The following PEX5L variants were observed in gnomAD, a reference collection of about 807,000 sequenced individuals.
The protein encoded by PEX5L is peroxisomal biogenesis factor 5 like.
In PEX5L, 30 loss-of-function variants were observed where a neutral mutation model predicts 84.0. The observed-to-expected ratio is 0.36, with a 90% CI of 0.27 to 0.48. The LOEUF (loss-of-function observed/expected upper bound fraction) is 0.48. Ranked by LOEUF, PEX5L falls within the 20% of genes least tolerant of loss-of-function variation. The pLI is 0.99. For synonymous variants in PEX5L, 270 were observed against 283.1 expected (o/e 0.95, Z 0.46); for missense variants, 533 against 754.6 (o/e 0.71, Z 3.44).
chr3:179,863,208 A>T (rs1308952535), intron 7 of PEX5L, among the ~76,000 whole-genome samples: 1 of 152,212 alleles, frequency 6.6e-6, no homozygotes, highest in Non-Finnish European at 1.5e-5. Context: ...TGAAGACTTA[A>T]ATGTAATACC....
At chr3:179,942,189 C>T (rs1326783399) in intron 2 of PEX5L, among the ~76,000 whole-genome samples, 1 of 152,184 alleles carries the variant, frequency 6.6e-6, no homozygotes, top group East Asian at 1.9e-4. Context: ...AGAAACTGGC[C>T]TCCGGACTGA....
At chr3:179,996,240 G>A (rs1422864995) in intron 1 of PEX5L, among the ~76,000 whole-genome samples, 1 of 152,138 alleles carries the variant, frequency 6.6e-6, no homozygotes, top group Non-Finnish European at 1.5e-5. Context: ...AGCTGCTTGA[G>A]TTTTCTAATT....
intron 2 of PEX5L, among the ~76,000 whole-genome samples, chr3:179,970,240 T>C (rs908732560): frequency 1.3e-5 from 2 of 152,180 alleles, no homozygotes; most frequent in Admixed American, 1.3e-4. Context: ...ATTCTCATAA[T>C]ATACCCAGGT....
intron 2 of PEX5L, among the ~76,000 whole-genome samples, chr3:179,915,867 C>T (rs16830886): frequency 0.029 from 4,394 of 152,214 alleles, 238 homozygotes; most frequent in African/African-American, 0.1. Context: ...AAGAGATGGG[C>T]ATCAGAGCAT....
intron 2 of PEX5L, among the ~76,000 whole-genome samples, chr3:179,955,468 C>G (rs1415735577): frequency 8.0e-6 from 1 of 124,252 alleles, no homozygotes; most frequent in Admixed American, 8.9e-5. Context: ...ACTATGAGTT[C>G]TGCTATGCTC....
At chr3:179,847,079 G>GTGTA (rs71182522) in intron 8 of PEX5L, among the ~76,000 whole-genome samples, 1 of 106,484 alleles carries the variant, frequency 9.4e-6, no homozygotes, top group Non-Finnish European at 2.0e-5. Context: ...GTGTGTGTGT[G>GTGTA]TGTATATATA....
At position 179,811,612 on chromosome 3, in the gene PEX5L, T is replaced by G. The variant is rs1723895963; in HGVS notation, c.1154+189A>C. On this transcript the variant is annotated intron_variant, in intron 11 of 14. Coordinates refer to ENST00000467460, the MANE Select transcript of PEX5L (RefSeq NM_016559.3). The stretch of plus-strand genomic sequence containing the variant: ...CATTGATTTGTAGATAGTAAGACAT[T>G]GTTAGGAACATGACTTCATTCTAAG... Among the ~76,000 whole-genome samples, 3 of 152,226 alleles carry G rather than the reference T, an allele frequency of 2.0e-5. No homozygotes were observed. The South Asian group carries it at 6.2e-4, about 32-fold the overall frequency.
At chr3:179,831,806 C>G (rs185290481) in intron 8 of PEX5L, among the ~76,000 whole-genome samples, 1 of 152,050 alleles carries the variant, frequency 6.6e-6, no homozygotes, top group African/African-American at 2.4e-5. Flanking sequence ...TATGTAAAAG[C>G]TAGGAGAAGG....
intron 1 of PEX5L, among the ~76,000 whole-genome samples, chr3:179,981,647 T>A (rs969274726): frequency 6.6e-6 from 1 of 152,112 alleles, no homozygotes; most frequent in Non-Finnish European, 1.5e-5. Context: ...CTTAGTAATA[T>A]GAAAAATTAT....
rs375846936 is a variant in PEX5L at position 179,953,251 on chromosome 3, T to C, written c.93+18343A>G. On this transcript the variant is annotated intron_variant, in intron 2 of 14. Coordinates refer to ENST00000467460, the MANE Select transcript of PEX5L (RefSeq NM_016559.3). ...GGCAACAAAAGCCACAATTGACAAA[T>C]GGGATCTAATTAAACTAAAGAGCTT... Among the ~76,000 whole-genome samples, 52 of 152,230 alleles carry C rather than the reference T, an allele frequency of 3.4e-4. No individual in the cohort carries two copies. In the South Asian group the frequency reaches 0.01, roughly 30 times the overall value.
chr3:179,854,900 A>C (rs1743322001), intron 8 of PEX5L, among the ~76,000 whole-genome samples: 1 of 152,204 alleles, frequency 6.6e-6, no homozygotes, highest in South Asian at 2.1e-4. Context: ...CCCAGTGATA[A>C]ATACTAGGAT....
At chr3:179,829,718 G>T (rs1230137788) in intron 8 of PEX5L, among the ~76,000 whole-genome samples, 1 of 150,590 alleles carries the variant, frequency 6.6e-6, no homozygotes, top group African/African-American at 2.4e-5. Context: ...TAGTTTAGAT[G>T]CATTTTCCTT....
At chr3:179,967,864 T>C (rs953481727) in intron 2 of PEX5L, among the ~76,000 whole-genome samples, 1 of 152,174 alleles carries the variant, frequency 6.6e-6, no homozygotes, top group African/African-American at 2.4e-5. Flanking sequence ...ATCTCAGACC[T>C]GAAGAATAAG....
chr3:179,931,280 A>C (rs1773034990), intron 2 of PEX5L, among the ~76,000 whole-genome samples: 1 of 152,220 alleles, frequency 6.6e-6, no homozygotes, highest in African/African-American at 2.4e-5. Flanking sequence ...AAGAATGCAG[A>C]TCATCATCAC....
intron 1 of PEX5L, among the ~76,000 whole-genome samples, chr3:180,031,351 T>C (rs1349538966): frequency 6.6e-6 from 1 of 152,094 alleles, no homozygotes; most frequent in Non-Finnish European, 1.5e-5. Flanking sequence ...TGAGGTGAGG[T>C]AGAAGTGGAT....
rs113926698 is a variant in PEX5L at position 179,898,660 on chromosome 3, C to G, written c.94-414G>C. 6.1e-3 allele frequency among the ~76,000 whole-genome samples: 926 copies of G among 152,038 alleles called. 12 individuals carry two copies. Among genetic ancestry groups the G allele is most frequent in the East Asian group, 0.031 (158 of 5,178 alleles). On this transcript the variant is annotated intron_variant, in intron 2 of 14. Coordinates refer to ENST00000467460, the MANE Select transcript of PEX5L (RefSeq NM_016559.3). ...TGGGATAGAGATTAGAAGCAGGATC[C>G]AACTCCCACAGAGGGCTTTTGCTGG... is the stretch of plus-strand genomic sequence containing the variant.
chr3:179,986,700 C>A (rs1271089441), intron 1 of PEX5L, among the ~76,000 whole-genome samples: 1 of 152,140 alleles, frequency 6.6e-6, no homozygotes, highest in Non-Finnish European at 1.5e-5. Flanking sequence ...CCGCGCCCGG[C>A]CAACATTTAG....
chr3:180,019,674 T>C (rs1790259443), intron 1 of PEX5L, among the ~76,000 whole-genome samples: 1 of 152,202 alleles, frequency 6.6e-6, no homozygotes, highest in Admixed American at 6.5e-5. Context: ...TCCTTGGGAC[T>C]GAGGAAATCA....
intron 8 of PEX5L, among the ~76,000 whole-genome samples, chr3:179,836,121 A>G (rs1734839432): frequency 6.6e-6 from 1 of 152,206 alleles, no homozygotes; most frequent in Non-Finnish European, 1.5e-5. Flanking sequence ...TTACATTTAC[A>G]TGTAAAAACC....
Sources: allele counts gnomAD v4.1 joint callset (sites outside exome capture counted in the v4.1 genomes callset), GRCh38; gene constraint gnomAD v4.1.1; transcripts MANE v1.5; gene names NCBI Gene and HGNC (gene_info 2026-07-23, HGNC 2026-07-21).